The following EMP1 variants were observed in gnomAD, a reference collection of about 807,000 sequenced individuals.
EMP1 encodes epithelial membrane protein 1.
Under a neutral mutation model 15.7 loss-of-function variants are expected in EMP1, and 5 were observed. The ratio of observed to expected loss-of-function variants is 0.32; its 90% CI spans 0.17 to 0.67. The LOEUF (loss-of-function observed/expected upper bound fraction) is 0.67, where lower values mean the gene tolerates loss of function less well. EMP1 is among the 30% of genes least tolerant of loss of function. The probability of loss-of-function intolerance (pLI) is 0.74; values close to 1 mark genes in which losing one functional copy is unlikely to be tolerated. For synonymous variants in EMP1, 78 were observed against 76.7 expected (o/e 1.02, Z -0.09); for missense variants, 166 against 194.2 (o/e 0.85, Z 0.86).
intron 2 of EMP1, among the ~76,000 whole-genome samples, chr12:13,212,836 G>A (rs993022666): frequency 5.3e-5 from 8 of 152,322 alleles, no homozygotes; most frequent in Admixed American, 1.3e-4. Flanking sequence ...AAGGGATGGC[G>A]GCACCATGAT....
Position 13,215,448 on chromosome 12 carries a change from G to A in EMP1, c.*757G>A, listed in dbSNP as rs1385956343. ...TGCTGAAAGCCAAGGCAGCTCTTCT[G>A]GAGTTTCTCTAAAGTCACTAGTGAA... On this transcript the variant is annotated 3_prime_UTR_variant, in exon 5 of 5. Transcript: ENST00000256951. The A allele has an allele frequency of 6.6e-6, 1 of 152,202 alleles. No individual in the cohort carries two copies. The highest frequency in any genetic ancestry group is 1.5e-5 in the Non-Finnish European group (1 of 68,064). The allele number at this position is 152,202 out of a possible 1,614,324, so 9.4% of individuals were successfully genotyped here. A position where few individuals can be genotyped will look rare whatever the true frequency, so the allele number is the denominator to read the frequency against.
At chr12:13,199,101 T>G (rs2121140851) in intron 1 of EMP1, 1 of 152,436 alleles carries the variant, frequency 6.6e-6, no homozygotes, top group African/African-American at 2.4e-5. Flanking sequence ...GGTACTAAAC[T>G]GTCTTGGGAG....
At chr12:13,207,333 G>A (rs951227582) in intron 1 of EMP1, among the ~76,000 whole-genome samples, 38 of 152,204 alleles carry the variant, frequency 2.5e-4, no homozygotes, top group African/African-American at 8.9e-4. Context: ...GGATGATCTC[G>A]AACTCCCTCA....
At chr12:13,213,634 C>T in intron 3 of EMP1, 47 bp from the exon 4 acceptor site, 1 of 1,613,996 alleles carries the variant, frequency 6.2e-7, no homozygotes. Flanking sequence ...AATGTTCAGC[C>T]CCTGGAGTGA....
At position 13,213,320 on chromosome 12, in the gene EMP1, C is replaced by T. The variant is rs1864183271; in HGVS notation, c.79-159C>T. 31 of 670,816 alleles carry T rather than the reference C, an allele frequency of 4.6e-5. No homozygotes were observed. In the South Asian group the frequency reaches 5.8e-4, roughly 12 times the overall value. 41.6% of individuals were successfully genotyped at this position (670,816 alleles called of 1,614,324 possible). Reference sequence around the variant, plus strand: ...CAACTTTGTGAACTTCAGTTTTAATCGGACCTTATTTCCGCCCACAGATAA... The same window carrying T: ...CAACTTTGTGAACTTCAGTTTTAATTGGACCTTATTTCCGCCCACAGATAA... On this transcript the variant is annotated intron_variant, in intron 2 of 4. Coordinates refer to ENST00000256951, the MANE Select transcript of EMP1 (RefSeq NM_001423.3).
At chr12:13,213,295 C>T in intron 2 of EMP1, 184 bp from the exon 3 acceptor site, 1 of 618,494 alleles carries the variant, frequency 1.6e-6, no homozygotes. Flanking sequence ...CTTCTCTTGG[C>T]AACTTTGTGA....
chr12:13,206,633 C>T lies in EMP1; in HGVS notation c.-42-4836C>T, dbSNP rs1864112657. ...TAAAGAATTGCTGCTGCCGCCAGGC[C>T]CCATGGCAGTTCAGTGAACACACAG... On this transcript the variant is annotated intron_variant, in intron 1 of 4. Transcript: ENST00000256951. Among the ~76,000 whole-genome samples the T allele has an allele frequency of 2.0e-5, 3 of 152,130 alleles. No homozygotes were observed. The South Asian group carries it at 6.2e-4, about 32-fold the overall frequency.
intron 2 of EMP1, among the ~76,000 whole-genome samples, chr12:13,212,492 A>G (rs1468825983): frequency 6.6e-6 from 1 of 151,558 alleles, no homozygotes; most frequent in Non-Finnish European, 1.5e-5. Context: ...AGGCTAATTA[A>G]GAATAACTGT....
At chr12:13,206,927 TTGTGTGTGTGTGTGTG>T (rs58176335) in intron 1 of EMP1, among the ~76,000 whole-genome samples, 1 of 149,050 alleles carries the variant, frequency 6.7e-6, no homozygotes, top group African/African-American at 2.5e-5. Flanking sequence ...ATTCTTTCAT[TTGTGTGTGTGTGTGTG>T]TGTGTGTGTG....
At chr12:13,214,050 G>A (rs1864191571) in intron 4 of EMP1, 1 of 701,328 alleles carries the variant, frequency 1.4e-6, no homozygotes, top group Non-Finnish European at 2.5e-6. Context: ...CCAAGTGGCA[G>A]TGCATATCTG....
At chr12:13,199,965 T>TTC (rs1491552090) in intron 1 of EMP1, among the ~76,000 whole-genome samples, 6 of 84,190 alleles carry the variant, frequency 7.1e-5, no homozygotes, top group East Asian at 1.0e-3. Context: ...CTTCTTCTTC[T>TTC]TTTTTTTTTT....
Position 13,211,661 on chromosome 12 carries a change from G to A in EMP1, c.78+73G>A. 2.6e-6 allele frequency: 4 copies of A among 1,562,792 alleles called. No homozygotes were observed. Among genetic ancestry groups the A allele is most frequent in the African/African-American group, 1.4e-5 (1 of 73,828 alleles). Reference sequence around the variant, plus strand: ...TATTTACATCAAGTGCACAAAAGAAGTTTAAGCCACAGCCCTTGCCCTTCA... The same window carrying A: ...TATTTACATCAAGTGCACAAAAGAAATTTAAGCCACAGCCCTTGCCCTTCA... On this transcript the variant is annotated intron_variant, in intron 2 of 4. Coordinates refer to ENST00000256951, the MANE Select transcript of EMP1 (RefSeq NM_001423.3). This position sits in a 1 kb window ranked among gnomAD's most constrained non-coding sequence, Gnocchi z 4.7.
chr12:13,213,163 C>T (rs1864182035), intron 2 of EMP1, among the ~76,000 whole-genome samples: 1 of 152,186 alleles, frequency 6.6e-6, no homozygotes. Flanking sequence ...TTCTGTTTCT[C>T]AGAACCTTAG....
rs547881610 is a variant in EMP1, at chr12:13,216,583, A to G, written c.*1892A>G. ...AGTTGAACTATGACTGGAGTAAACC[A>G]TGTATTCCCTTATCTTTTACTTTTT... On this transcript the variant is annotated 3_prime_UTR_variant, in exon 5 of 5. Coordinates refer to ENST00000256951, the MANE Select transcript of EMP1 (RefSeq NM_001423.3). The G allele has an allele frequency of 4.0e-5, 25 of 632,294 alleles. No individual in the cohort carries two copies. The highest frequency in any genetic ancestry group is 6.5e-5 in the Non-Finnish European group (23 of 355,044). The allele number at this position is 632,294 out of a possible 1,614,324, so 39.2% of individuals were successfully genotyped here. A position where few individuals can be genotyped will look rare whatever the true frequency, so the allele number is the denominator to read the frequency against.
chr12:13,218,114 C>T lies in EMP1; in HGVS notation c.*3423C>T, dbSNP rs1453453665. ...TCTCCATGACCACTCAAGAATGGGA[C>T]CCAAAGGCAAATGATAACTTATTCA... On this transcript the variant is annotated 3_prime_UTR_variant, in exon 5 of 5. Coordinates refer to ENST00000256951, the MANE Select transcript of EMP1 (RefSeq NM_001423.3). The T allele has an allele frequency of 6.6e-6, 1 of 152,124 alleles. No individual in the cohort carries two copies. The highest frequency in any genetic ancestry group is 1.5e-5 in the Non-Finnish European group (1 of 68,032). 9.4% of individuals were successfully genotyped at this position (152,124 alleles called of 1,614,324 possible).
chr12:13,215,101 T>C lies in EMP1; in HGVS notation c.*410T>C. The C allele has an allele frequency of 5.4e-6, 1 of 186,574 alleles. No homozygotes were observed. Among genetic ancestry groups the C allele is most frequent in the Non-Finnish European group, 1.1e-5 (1 of 88,498 alleles). The allele number at this position is 186,574 out of a possible 1,614,324, so 11.6% of individuals were successfully genotyped here. A position where few individuals can be genotyped will look rare whatever the true frequency, so the allele number is the denominator to read the frequency against. ...GTTCTGGCAAGAGCAGATACTGTCT[T>C]TGTGCTGAATACGCTAAGCCTGGAA... On this transcript the variant is annotated 3_prime_UTR_variant, in exon 5 of 5. Coordinates refer to ENST00000256951, the MANE Select transcript of EMP1 (RefSeq NM_001423.3).
At position 13,215,946 on chromosome 12, in the gene EMP1, C is replaced by A; in HGVS notation, c.*1255C>A. 1 of 162,146 alleles carries A rather than the reference C, an allele frequency of 6.2e-6. No homozygotes were observed. Among genetic ancestry groups the A allele is most frequent in the Admixed American group, 5.8e-5 (1 of 17,098 alleles). The allele number at this position is 162,146 out of a possible 1,614,324, so 10.0% of individuals were successfully genotyped here. ...CATTCCCAGGAAAATACGAAAATCC[C>A]ATGAGATAAATAAAAATATAGGTGA... is the stretch of plus-strand genomic sequence containing the variant. On this transcript the variant is annotated 3_prime_UTR_variant, in exon 5 of 5. Transcript: ENST00000256951.
In EMP1 at chr12:13,211,231, A is replaced by G. The variant is rs1319936061; in HGVS notation, c.-42-238A>G. Among the ~76,000 whole-genome samples the G allele has an allele frequency of 1.3e-5, 2 of 152,246 alleles. No homozygotes were observed. The highest frequency in any genetic ancestry group is 1.3e-4 in the Admixed American group (2 of 15,288). On this transcript the variant is annotated intron_variant, in intron 1 of 4. Transcript: ENST00000256951. This position sits in a 1 kb window ranked among gnomAD's most constrained non-coding sequence, Gnocchi z 4.7. ...GAATGTATTAGAGAAATGAATATGT[A>G]AATACCCAAGAAGAAACCAAATTCT...
rs188116040 is a variant in EMP1, at chr12:13,205,358, A to G, written c.-42-6111A>G. ...TTGTATATTCAAATGCACTCAGGAA[A>G]CAGTCACATATTTACATAGGTATTT... On this transcript the variant is annotated intron_variant, in intron 1 of 4. Coordinates refer to ENST00000256951, the MANE Select transcript of EMP1 (RefSeq NM_001423.3). 1.9e-3 allele frequency among the ~76,000 whole-genome samples: 292 copies of G among 152,362 alleles called. 4 individuals are homozygous for G. The highest frequency in any genetic ancestry group is 6.7e-3 in the African/African-American group (279 of 41,586).
Sources: gnomAD v4.1 joint callset for allele counts (sites outside exome capture counted in the v4.1 genomes callset) on GRCh38, gnomAD v4.1.1 for gene constraint, Gnocchi (gnomAD v3.1) non-coding constraint, MANE v1.5 for transcripts, NCBI Gene and HGNC (gene_info 2026-07-23, HGNC 2026-07-21) for gene names.